Variants in CLIP1 observed in about 807,000 individuals in gnomAD.
CLIP1 encodes the protein CAP-Gly domain containing linker protein 1.
A neutral mutation model predicts 161.6 loss-of-function variants in CLIP1; 66 were observed. The ratio of observed to expected loss-of-function variants is 0.41; its 90% CI spans 0.33 to 0.50. The LOEUF (loss-of-function observed/expected upper bound fraction) is 0.50, where lower values mean the gene tolerates loss of function less well. Ranked by LOEUF, CLIP1 falls within the 20% of genes least tolerant of loss-of-function variation. The probability of loss-of-function intolerance (pLI) is 0.27; values close to 1 mark genes in which losing one functional copy is unlikely to be tolerated. For synonymous variants in CLIP1, 598 were observed against 626.2 expected, an observed-to-expected ratio of 0.96 and a Z score of 0.67; for missense variants, 1,376 against 1,702.0, an observed-to-expected ratio of 0.81 and a Z score of 3.37.
chr12:122,362,510 G>A (rs538873295), intron 4 of CLIP1, among the ~76,000 whole-genome samples: 148 of 150,942 alleles, frequency 9.8e-4, no homozygotes, highest in African/African-American at 3.5e-3. Context: ...GCGTGGTGGT[G>A]TGTGTCTGTA....
chr12:122,336,043 G>T (rs977755670), intron 12 of CLIP1, among the ~76,000 whole-genome samples: 1 of 152,136 alleles, frequency 6.6e-6, no homozygotes, highest in African/African-American at 2.4e-5. Flanking sequence ...AGTGCAGGAG[G>T]CAAGTAGGAA....
chr12:122,403,830 G>GT (rs967296416), intron 1 of CLIP1, among the ~76,000 whole-genome samples: 46 of 152,166 alleles, frequency 3.0e-4, no homozygotes, highest in African/African-American at 9.6e-4. Flanking sequence ...GCATATAGCT[G>GT]TTTCATTGGC....
chr12:122,381,045 C>CA (rs1593206415), intron 1 of CLIP1, among the ~76,000 whole-genome samples: 1 of 151,974 alleles, frequency 6.6e-6, no homozygotes, highest in East Asian at 1.9e-4. Context: ...AACAAACAAA[C>CA]AAAAAACACA....
Position 122,401,407 on chromosome 12 carries a change from G to A in CLIP1, c.-106-20849C>T, listed in dbSNP as rs183157654. Among the ~76,000 whole-genome samples the A allele has an allele frequency of 1.5e-3, 223 of 152,120 alleles. 1 individual carries two copies. Among genetic ancestry groups the A allele is most frequent in the African/African-American group, 4.4e-3 (182 of 41,502 alleles). On this transcript the variant is annotated intron_variant, in intron 1 of 25. Transcript: ENST00000620786. ...AAAAGTAGGTCAATGGGCCGGGCACGGTAATCCTAGCACTTTGGGAGGCCA... is the reference window on the plus strand; with the variant it reads ...AAAAGTAGGTCAATGGGCCGGGCACAGTAATCCTAGCACTTTGGGAGGCCA...
chr12:122,336,870 A>G (rs935159728), intron 11 of CLIP1, 122 bp from the exon 12 acceptor site: 1 of 448,404 alleles, frequency 2.2e-6, no homozygotes. Flanking sequence ...ACTGAAAGGA[A>G]TACAAATTTG....
intron 1 of CLIP1, among the ~76,000 whole-genome samples, chr12:122,381,649 T>C (rs1025441993): frequency 5.3e-5 from 8 of 152,240 alleles, no homozygotes; most frequent in African/African-American, 1.7e-4. Flanking sequence ...CATTTTTCTC[T>C]GCGAGCAGAG....
chr12:122,390,279 C>CATATATATATATATATATATATAT (rs1179187571), intron 1 of CLIP1, among the ~76,000 whole-genome samples: 1 of 78,980 alleles, frequency 1.3e-5, no homozygotes, highest in Non-Finnish European at 2.7e-5. Context: ...TATATATATA[C>CATATATATATATATATATATATAT]ATATATATAT....
chr12:122,287,331 C>T (rs890651217), intron 21 of CLIP1, among the ~76,000 whole-genome samples: 8 of 152,168 alleles, frequency 5.3e-5, no homozygotes, highest in African/African-American at 1.9e-4. Context: ...GACAGTGCTG[C>T]GTAAAACATA....
intron 5 of CLIP1, among the ~76,000 whole-genome samples, chr12:122,357,202 T>A (rs1463651364): frequency 2.0e-5 from 3 of 149,636 alleles, no homozygotes; most frequent in Non-Finnish European, 4.5e-5. Flanking sequence ...GGAGCGTCTC[T>A]GCCCGGCCGC....
chr12:122,368,868 T>G (rs1954293286), intron 3 of CLIP1, among the ~76,000 whole-genome samples: 1 of 149,736 alleles, frequency 6.7e-6, no homozygotes, highest in African/African-American at 2.5e-5. Context: ...GAGGTGGAGG[T>G]TGCAGTGACC....
In CLIP1 at chr12:122,408,358, T is replaced by C. The variant is rs528646208; in HGVS notation, c.-107+14163A>G. Among the ~76,000 whole-genome samples the C allele has an allele frequency of 5.3e-5, 8 of 152,234 alleles. 1 individual carries two copies. The highest frequency in any genetic ancestry group is 5.2e-4 in the Admixed American group (8 of 15,268). On this transcript the variant is annotated intron_variant, in intron 1 of 25. Transcript: ENST00000620786. ...AGACATTTCTTTATTTTTTATTATA[T>C]ATTTTTTTGAGATGGAGTCTCACTC...
intron 1 of CLIP1, among the ~76,000 whole-genome samples, chr12:122,406,172 C>T (rs1203823803): frequency 6.6e-6 from 1 of 152,052 alleles, no homozygotes; most frequent in Non-Finnish European, 1.5e-5. Flanking sequence ...CCGGCCAGCT[C>T]AGTGGCTCAC....
At chr12:122,385,341 G>A (rs1955210774) in intron 1 of CLIP1, among the ~76,000 whole-genome samples, 8 of 152,178 alleles carry the variant, frequency 5.3e-5, no homozygotes, top group Admixed American at 5.2e-4. Flanking sequence ...GAAAAGGAGT[G>A]ACGGCAACGG....
chr12:122,333,370 A>T (rs1218707707), intron 14 of CLIP1, among the ~76,000 whole-genome samples: 1 of 152,198 alleles, frequency 6.6e-6, no homozygotes, highest in Non-Finnish European at 1.5e-5. Flanking sequence ...AGGAGCTGGG[A>T]AGGAGGTTAG....
At chr12:122,390,172 G>GATATATATATA (rs1955536677) in intron 1 of CLIP1, among the ~76,000 whole-genome samples, 1 of 93,536 alleles carries the variant, frequency 1.1e-5, no homozygotes, top group Non-Finnish European at 2.2e-5. Flanking sequence ...CACAGTCTCA[G>GATATATATATA]ATATATATAT....
chr12:122,363,712 A>G (rs1953991572), intron 4 of CLIP1, among the ~76,000 whole-genome samples: 1 of 151,968 alleles, frequency 6.6e-6, no homozygotes, highest in East Asian at 1.9e-4. Flanking sequence ...GAGAAGCCAG[A>G]CAGATAACAT....
intron 19 of CLIP1, among the ~76,000 whole-genome samples, 178 bp downstream of exon 19, chr12:122,316,571 A>C (rs1411461724): frequency 6.6e-6 from 1 of 152,030 alleles, no homozygotes; most frequent in Non-Finnish European, 1.5e-5. Context: ...CTGATCCTTT[A>C]ACTTAGCTGT....
intron 1 of CLIP1, among the ~76,000 whole-genome samples, chr12:122,389,870 A>AG (rs570317848): frequency 1.8e-4 from 25 of 142,466 alleles, no homozygotes; most frequent in Middle Eastern, 3.4e-3. Flanking sequence ...CCAGTGCTGG[A>AG]GGGGGGGCCC....
intron 5 of CLIP1, among the ~76,000 whole-genome samples, chr12:122,357,825 GC>G (rs1167526637): frequency 8.9e-5 from 13 of 146,198 alleles, no homozygotes; most frequent in African/African-American, 2.8e-4. Context: ...GGGGGGGTCA[GC>G]CCCCCGCCCG....
Sources: allele counts gnomAD v4.1 joint callset (sites outside exome capture counted in the v4.1 genomes callset), GRCh38; gene constraint gnomAD v4.1.1; transcripts MANE v1.5; gene names NCBI Gene and HGNC (gene_info 2026-07-23, HGNC 2026-07-21).